MYO5B: variants seen among roughly 807,000 people sequenced by gnomAD.
MYO5B encodes the protein unconventional myosin-Vb.
In MYO5B, 143 loss-of-function variants were observed where a neutral mutation model predicts 229.3. The observed-to-expected ratio is 0.62, with a 90% CI of 0.54 to 0.72. MYO5B has a LOEUF of 0.72. Among genes scored for constraint, MYO5B ranks in the 30% least tolerant of loss-of-function variants. The pLI is 0.00. For missense variants in MYO5B, 2,321 were observed against 2,331.0 expected (o/e 1.00, Z 0.09); for synonymous variants, 918 against 885.2 (o/e 1.04, Z -0.66).
Position 50,194,945 on chromosome 18 carries a change from G to A in MYO5B, c.-152C>T, listed in dbSNP as rs1362277636. ...GACCTGCCCCGCCGGCTTCCCGCAG[G>A]CGCCGCGGCCGGCTCGCTCCCGGCG... On this transcript the variant is annotated 5_prime_UTR_variant, in exon 1 of 40. Coordinates refer to ENST00000285039, the MANE Select transcript of MYO5B (RefSeq NM_001080467.3). 5.3e-6 allele frequency: 6 copies of A among 1,124,544 alleles called. No individual in the cohort carries two copies. The allele number at this position is 1,124,544 out of a possible 1,614,324, so 69.7% of individuals were successfully genotyped here. A position where few individuals can be genotyped will look rare whatever the true frequency, so the allele number is the denominator to read the frequency against.
chr18:50,152,555 T>C (rs940095763), intron 1 of MYO5B, among the ~76,000 whole-genome samples: 1 of 152,130 alleles, frequency 6.6e-6, no homozygotes, highest in Non-Finnish European at 1.5e-5. Context: ...TACTCCATTA[T>C]CCCAATCACA....
chr18:50,161,691 A>ACCTAGAAC (rs1258506710), intron 1 of MYO5B, among the ~76,000 whole-genome samples: 4 of 152,190 alleles, frequency 2.6e-5, no homozygotes, highest in Non-Finnish European at 4.4e-5. Flanking sequence ...ATCCTCCAAG[A>ACCTAGAAC]CAATCAGGTT....
At position 50,021,835 on chromosome 18, in the gene MYO5B, TG is replaced by T. The variant is rs199629097; in HGVS notation, c.455+15014del. ...TTTCTTACTTGTACATTCCTCCTTC[TG>T]TACCAGATCTATGTTAACATTCCTT... On this transcript the variant is annotated intron_variant, in intron 4 of 39. Coordinates refer to ENST00000285039, the MANE Select transcript of MYO5B (RefSeq NM_001080467.3). 7.4e-3 allele frequency among the ~76,000 whole-genome samples: 1,131 copies of T among 152,250 alleles called. 11 individuals are homozygous for T. Among genetic ancestry groups the T allele is most frequent in the African/African-American group, 0.026 (1,079 of 41,552 alleles).
chr18:50,134,029 TATAG>T (rs1456469395), intron 1 of MYO5B, among the ~76,000 whole-genome samples: 1 of 152,118 alleles, frequency 6.6e-6, no homozygotes, highest in Non-Finnish European at 1.5e-5. Context: ...ATACAAGATA[TATAG>T]ATATAGAGTA....
intron 5 of MYO5B, among the ~76,000 whole-genome samples, chr18:49,996,883 A>G (rs2025993573): frequency 6.6e-6 from 1 of 152,260 alleles, no homozygotes; most frequent in Non-Finnish European, 1.5e-5. Flanking sequence ...AAGTATGTTG[A>G]TACATGAAAG....
At chr18:49,963,672 T>G (rs1055696895) in intron 10 of MYO5B, among the ~76,000 whole-genome samples, 2 of 152,054 alleles carry the variant, frequency 1.3e-5, no homozygotes. Context: ...AAGTGATCCA[T>G]CCACCTCAGC....
chr18:49,931,828 C>T lies in MYO5B; in HGVS notation c.2004-2230G>A, dbSNP rs746945299. Among the ~76,000 whole-genome samples, 4 of 152,178 alleles carry T rather than the reference C, an allele frequency of 2.6e-5. No individual in the cohort carries two copies. In the East Asian group the frequency reaches 7.7e-4, roughly 29 times the overall value. The stretch of plus-strand genomic sequence containing the variant: ...CTGCAGCATGAAGGCAGAGCGGACA[C>T]CCCTGTGCTTTGGAAAAGGCATCCT... On this transcript the variant is annotated intron_variant, in intron 16 of 39. Transcript: ENST00000285039.
In MYO5B at chr18:50,079,683, A is replaced by C. The variant is rs372044873; in HGVS notation, c.28-24305T>G. ...ACTCTCCAGCTCCTGGAAGAAGCCC[A>C]GGTCTCAAGGGAGCTGGCAGCAAAA... On this transcript the variant is annotated intron_variant, in intron 1 of 39. Transcript: ENST00000285039. Among the ~76,000 whole-genome samples, 7 of 152,050 alleles carry C rather than the reference A, an allele frequency of 4.6e-5. No individual in the cohort carries two copies. In the East Asian group the frequency reaches 5.8e-4, roughly 13 times the overall value.
chr18:50,063,922 A>G (rs962309386), intron 1 of MYO5B: 1 of 152,414 alleles, frequency 6.6e-6, no homozygotes, highest in African/African-American at 2.4e-5. Flanking sequence ...CAGAGTAAGC[A>G]GTGTGTCCTC....
intron 17 of MYO5B, among the ~76,000 whole-genome samples, chr18:49,912,736 G>C (rs564171252): frequency 6.6e-6 from 1 of 152,166 alleles, no homozygotes; most frequent in Non-Finnish European, 1.5e-5. Flanking sequence ...GGAACTGTGA[G>C]TCCATTAAAG....
chr18:50,153,825 G>A (rs2032638119), intron 1 of MYO5B, among the ~76,000 whole-genome samples: 1 of 152,130 alleles, frequency 6.6e-6, no homozygotes, highest in African/African-American at 2.4e-5. Flanking sequence ...GAGCGGGGAT[G>A]CGAGTGAGTG....
chr18:49,972,779 G>A (rs2025705002), intron 10 of MYO5B, among the ~76,000 whole-genome samples: 1 of 152,084 alleles, frequency 6.6e-6, no homozygotes, highest in Admixed American at 6.6e-5. Flanking sequence ...AACTACAAGG[G>A]CTGAGCACAA....
chr18:50,163,888 C>T (rs984497888), intron 1 of MYO5B, among the ~76,000 whole-genome samples: 28 of 152,208 alleles, frequency 1.8e-4, no homozygotes, highest in African/African-American at 6.5e-4. Context: ...TCCCAAATGA[C>T]AGTTCAGGTG....
At chr18:50,127,690 T>C (rs751669078) in intron 1 of MYO5B, among the ~76,000 whole-genome samples, 8 of 152,138 alleles carry the variant, frequency 5.3e-5, no homozygotes, top group Non-Finnish European at 7.4e-5. Context: ...ACTGGGATGA[T>C]CAATTTTATG....
chr18:49,912,170 C>T lies in MYO5B; in HGVS notation c.2094G>A (p.Trp698Ter). Residue 698 changes from tryptophan to a stop codon, truncating the protein, a stop_gained, in exon 18 of 40, where the codon TGG becomes TGA. Transcript: ENST00000285039. LOFTEE classifies it high-confidence loss of function. ...ACCGGTTGAAAAAGTCATGGTAGGC[C>T]CACCTGGAGGGAAAGCAAAGGGGCA... is the stretch of plus-strand genomic sequence containing the variant. Reference protein sequence around the residue: ...RISAAGYPSRWAYHDFFNRYR... With the variant: ...RISAAGYPSR The T allele has an allele frequency of 6.2e-7, 1 of 1,613,640 alleles. No individual in the cohort carries two copies. Among genetic ancestry groups the T allele is most frequent in the Non-Finnish European group, 8.5e-7 (1 of 1,179,834 alleles).
At chr18:49,980,643 A>T (rs79174249) in intron 8 of MYO5B, 90 bp from the exon 9 acceptor site, 1 of 925,866 alleles carries the variant, frequency 1.1e-6, no homozygotes. Context: ...TTTTTTTTTA[A>T]TAAGGTTTGA....
At chr18:50,016,406 A>G (rs1031986099) in intron 4 of MYO5B, among the ~76,000 whole-genome samples, 2 of 152,206 alleles carry the variant, frequency 1.3e-5, no homozygotes, top group African/African-American at 4.8e-5. Context: ...ATTTATTTCC[A>G]TATTGGTTAG....
intron 4 of MYO5B, among the ~76,000 whole-genome samples, chr18:50,012,973 T>C (rs1023758698): frequency 2.0e-5 from 3 of 152,224 alleles, no homozygotes; most frequent in Non-Finnish European, 2.9e-5. Flanking sequence ...AGATAATTCA[T>C]GTAACTGTGG....
chr18:50,097,500 G>A (rs1195413816), intron 1 of MYO5B: 10 of 327,446 alleles, frequency 3.1e-5, no homozygotes, highest in African/African-American at 8.7e-5. Flanking sequence ...TTGAGAAATC[G>A]CGGTGTTATT....
Sources: gnomAD v4.1 joint callset for allele counts (sites outside exome capture counted in the v4.1 genomes callset) on GRCh38, gnomAD v4.1.1 for gene constraint, MANE v1.5 for transcripts, NCBI Gene and HGNC (gene_info 2026-07-23, HGNC 2026-07-21) for gene names.